The following HTR1F variants were observed in gnomAD, a reference collection of about 807,000 sequenced individuals.
HTR1F encodes the protein 5-hydroxytryptamine receptor 1F.
Under a neutral mutation model 24.0 loss-of-function variants are expected in HTR1F, and 17 were observed. The observed-to-expected ratio is 0.71, with a 90% CI of 0.48 to 1.06. The LOEUF is 1.06. Ranked by LOEUF, HTR1F falls within the 50% of genes least tolerant of loss-of-function variation. HTR1F has a pLI of 0.00. For missense variants in HTR1F, 391 were observed against 427.8 expected, an observed-to-expected ratio of 0.91 and a Z score of 0.76; for synonymous variants, 186 against 156.8, an observed-to-expected ratio of 1.19 and a Z score of -1.39.
At chr3:87,849,588 A>T (rs1705033008) in intron 2 of HTR1F, among the ~76,000 whole-genome samples, 1 of 151,972 alleles carries the variant, frequency 6.6e-6, no homozygotes, top group African/African-American at 2.4e-5. Context: ...CAATGGCAAC[A>T]AAAGACAAAA....
chr3:87,962,939 TAAC>T (rs1166289021), intron 2 of HTR1F, among the ~76,000 whole-genome samples: 1 of 152,062 alleles, frequency 6.6e-6, no homozygotes, highest in African/African-American at 2.4e-5. Flanking sequence ...AATACCATTT[TAAC>T]AACCCTGAAA....
At chr3:87,942,737 G>GC (rs1704600359) in intron 2 of HTR1F, among the ~76,000 whole-genome samples, 2 of 141,430 alleles carry the variant, frequency 1.4e-5, no homozygotes, top group African/African-American at 5.8e-5. Context: ...TAAAGCGGTG[G>GC]CCTTTTTTTT....
At chr3:87,822,382 A>G (rs994201610) in intron 2 of HTR1F, among the ~76,000 whole-genome samples, 2 of 152,156 alleles carry the variant, frequency 1.3e-5, no homozygotes, top group African/African-American at 4.8e-5. Flanking sequence ...GTGTTAAGAG[A>G]ACATTTGGGT....
intron 2 of HTR1F, among the ~76,000 whole-genome samples, chr3:87,922,469 C>T (rs1704031139): frequency 1.3e-5 from 2 of 151,860 alleles, no homozygotes; most frequent in African/African-American, 4.8e-5. Context: ...CAGATTTCCT[C>T]TTCACTCCGG....
intron 2 of HTR1F, among the ~76,000 whole-genome samples, chr3:87,850,131 T>C (rs1205717836): frequency 2.0e-5 from 3 of 151,928 alleles, no homozygotes; most frequent in Non-Finnish European, 4.4e-5. Context: ...GGATTATAAA[T>C]CATGCTGCTA....
At chr3:87,938,547 G>A (rs1460123718) in intron 2 of HTR1F, among the ~76,000 whole-genome samples, 1 of 152,094 alleles carries the variant, frequency 6.6e-6, no homozygotes, top group Non-Finnish European at 1.5e-5. Context: ...TATACTACAA[G>A]GCTACAGTAA....
At chr3:87,826,047 A>G (rs1704455581) in intron 2 of HTR1F, among the ~76,000 whole-genome samples, 1 of 152,218 alleles carries the variant, frequency 6.6e-6, no homozygotes, top group African/African-American at 2.4e-5. Context: ...TATTTGCTGT[A>G]ATGTATTGAA....
chr3:87,972,371 C>T (rs1705303316), intron 2 of HTR1F, among the ~76,000 whole-genome samples: 1 of 152,082 alleles, frequency 6.6e-6, no homozygotes, highest in South Asian at 2.1e-4. Context: ...TATTAGTAAC[C>T]AAATCTTTTA....
intron 2 of HTR1F, among the ~76,000 whole-genome samples, chr3:87,941,124 G>A (rs752815416): frequency 3.3e-5 from 5 of 152,178 alleles, no homozygotes; most frequent in Non-Finnish European, 5.9e-5. Flanking sequence ...GTTTAACACT[G>A]GGGCTTGGGT....
At chr3:87,962,867 T>C (rs1479612762) in intron 2 of HTR1F, among the ~76,000 whole-genome samples, 1 of 152,036 alleles carries the variant, frequency 6.6e-6, no homozygotes, top group African/African-American at 2.4e-5. Context: ...GCAGACAACC[T>C]TCCCCTCACC....
At chr3:87,940,139 A>G (rs1179324666) in intron 2 of HTR1F, among the ~76,000 whole-genome samples, 1 of 152,116 alleles carries the variant, frequency 6.6e-6, no homozygotes, top group Non-Finnish European at 1.5e-5. Flanking sequence ...GTCATTCAGG[A>G]GCAGGTTGTT....
chr3:87,905,437 G>A lies in HTR1F; in HGVS notation c.-43+83313G>A, dbSNP rs1703642021. Among the ~76,000 whole-genome samples the A allele has an allele frequency of 2.0e-5, 3 of 151,262 alleles. 1 individual carries two copies. Among genetic ancestry groups the A allele is most frequent in the African/African-American group, 7.3e-5 (3 of 41,316 alleles). On this transcript the variant is annotated intron_variant, in intron 2 of 2. Coordinates refer to ENST00000319595, the MANE Select transcript of HTR1F (RefSeq NM_001322209.2). ...GACTTTTTTCACTGACATTTTTGCT[G>A]CCCCTTAATTTTTAAAATGTATACA...
intron 2 of HTR1F, among the ~76,000 whole-genome samples, chr3:87,879,436 G>T (rs182755098): frequency 1.3e-5 from 2 of 152,134 alleles, no homozygotes; most frequent in African/African-American, 2.4e-5. Context: ...CTTTACAGAG[G>T]TTCCTTATGT....
chr3:87,807,262 T>C (rs1370815956), intron 1 of HTR1F, among the ~76,000 whole-genome samples: 1 of 152,054 alleles, frequency 6.6e-6, no homozygotes, highest in Non-Finnish European at 1.5e-5. Context: ...TCCATGAGCA[T>C]GGAGTATCTT....
At chr3:87,926,701 A>G (rs1704134357) in intron 2 of HTR1F, among the ~76,000 whole-genome samples, 1 of 152,134 alleles carries the variant, frequency 6.6e-6, no homozygotes, top group Admixed American at 6.6e-5. Context: ...GCTAGAAAAA[A>G]ATCATTGACC....
At chr3:87,878,334 C>T (rs1366151219) in intron 2 of HTR1F, among the ~76,000 whole-genome samples, 1 of 152,108 alleles carries the variant, frequency 6.6e-6, no homozygotes, top group Non-Finnish European at 1.5e-5. Context: ...GCAGCAATCC[C>T]AGAAGAAGCC....
chr3:87,795,912 CTTTCCA>C (rs1703897051), intron 1 of HTR1F, among the ~76,000 whole-genome samples: 1 of 152,152 alleles, frequency 6.6e-6, no homozygotes, highest in Non-Finnish European at 1.5e-5. Flanking sequence ...ATTTCATAAT[CTTTCCA>C]ATTTCTTTGT....
chr3:87,834,905 T>C (rs1330660115), intron 2 of HTR1F, among the ~76,000 whole-genome samples: 1 of 152,188 alleles, frequency 6.6e-6, no homozygotes, highest in African/African-American at 2.4e-5. Context: ...AGTTAAGTAG[T>C]TGCAACAGAG....
chr3:87,970,360 G>A (rs1408387331), intron 2 of HTR1F, among the ~76,000 whole-genome samples: 29 of 152,090 alleles, frequency 1.9e-4, no homozygotes, highest in Non-Finnish European at 1.5e-5. Context: ...TCAAGGATGG[G>A]GACAAGAATT....
Sources: gnomAD v4.1 joint callset for allele counts (sites outside exome capture counted in the v4.1 genomes callset) on GRCh38, gnomAD v4.1.1 for gene constraint, MANE v1.5 for transcripts, NCBI Gene and HGNC (gene_info 2026-07-23, HGNC 2026-07-21) for gene names.